NSMAF: variants seen among roughly 807,000 people sequenced by gnomAD.
The protein encoded by NSMAF is neutral sphingomyelinase activation associated factor.
A neutral mutation model predicts 134.9 loss-of-function variants in NSMAF; 90 were observed. The ratio of observed to expected loss-of-function variants is 0.67; its 90% CI spans 0.56 to 0.79. NSMAF has a LOEUF of 0.79. NSMAF is among the 30% of genes least tolerant of loss of function. NSMAF has a pLI of 0.00. For missense variants in NSMAF, 1,010 were observed against 1,119.0 expected (o/e 0.90, Z 1.39); for synonymous variants, 358 against 389.6 (o/e 0.92, Z 0.96).
chr8:58,619,431 C>T (rs1355329213), intron 9 of NSMAF, among the ~76,000 whole-genome samples: 1 of 152,074 alleles, frequency 6.6e-6, no homozygotes. Context: ...CCTATTTAAC[C>T]AATACTTTCT....
chr8:58,629,396 C>T (rs563096078), intron 6 of NSMAF, among the ~76,000 whole-genome samples: 44 of 142,138 alleles, frequency 3.1e-4, no homozygotes, highest in Non-Finnish European at 4.7e-4. Flanking sequence ...TATATTTTCT[C>T]TTTGTTAATA....
intron 19 of NSMAF, among the ~76,000 whole-genome samples, chr8:58,598,410 C>T (rs1295499791): frequency 6.7e-6 from 1 of 149,512 alleles, no homozygotes; most frequent in Admixed American, 6.6e-5. Context: ...TTGCTTGAAC[C>T]CAGGAGCCAG....
chr8:58,646,338 G>A (rs1167336513), intron 1 of NSMAF, among the ~76,000 whole-genome samples: 2 of 152,164 alleles, frequency 1.3e-5, no homozygotes, highest in Non-Finnish European at 2.9e-5. Flanking sequence ...AGAGAGGGAA[G>A]AATAGAGTAA....
At chr8:58,649,524 C>T (rs879918985) in intron 1 of NSMAF, among the ~76,000 whole-genome samples, 2 of 152,128 alleles carry the variant, frequency 1.3e-5, no homozygotes, top group Admixed American at 1.3e-4. Flanking sequence ...TGTTTGTCCC[C>T]TCCGAATCTC....
rs1320259958 is a variant in NSMAF at position 58,623,372 on chromosome 8, C to G, written c.504+5G>C. On this transcript the variant is annotated splice_donor_5th_base_variant and intron_variant, in intron 8 of 30. Coordinates refer to ENST00000038176, the MANE Select transcript of NSMAF (RefSeq NM_003580.4). ...TCAAAGACAGACATTGTTAAGAATA[C>G]TTACCATGGCGGTTTGGTCACCCAA... is the stretch of plus-strand genomic sequence containing the variant. The G allele has an allele frequency of 1.2e-6, 2 of 1,613,792 alleles. No individual in the cohort carries two copies. Among genetic ancestry groups the G allele is most frequent in the South Asian group, 1.1e-5 (1 of 91,042 alleles).
At chr8:58,629,137 T>G (rs1401264553) in intron 6 of NSMAF, among the ~76,000 whole-genome samples, 1 of 152,158 alleles carries the variant, frequency 6.6e-6, no homozygotes, top group African/African-American at 2.4e-5. Flanking sequence ...TCTTTCTCTC[T>G]CTCTTCTCTT....
At chr8:58,637,038 A>C (rs80127104) in intron 2 of NSMAF, among the ~76,000 whole-genome samples, 3 of 139,872 alleles carry the variant, frequency 2.1e-5, no homozygotes, top group Non-Finnish European at 4.7e-5. Flanking sequence ...ACACACACAC[A>C]CACCCACACA....
chr8:58,659,050 G>A (rs1807789339), intron 1 of NSMAF: 2 of 687,164 alleles, frequency 2.9e-6, no homozygotes, highest in Non-Finnish European at 4.5e-6. Flanking sequence ...GGAGTCGGCA[G>A]GAAAAAGGCG....
In NSMAF at chr8:58,647,992, G is replaced by A. The variant is rs544466044; in HGVS notation, c.60-4919C>T. On this transcript the variant is annotated intron_variant, in intron 1 of 30. Coordinates refer to ENST00000038176, the MANE Select transcript of NSMAF (RefSeq NM_003580.4). The stretch of plus-strand genomic sequence containing the variant: ...CTCAGAAGAGACCAGGAAGACAAGG[G>A]AAAGTTTGAAACTTCTCAGAGACTG... Among the ~76,000 whole-genome samples, 12 of 152,324 alleles carry A rather than the reference G, an allele frequency of 7.9e-5. No homozygotes were observed. The South Asian group carries it at 2.1e-3, about 26-fold the overall frequency.
At chr8:58,610,170 AATT>A (rs1337282933) in intron 9 of NSMAF, among the ~76,000 whole-genome samples, 1 of 152,164 alleles carries the variant, frequency 6.6e-6, no homozygotes, top group Non-Finnish European at 1.5e-5. Flanking sequence ...TAATTACTTG[AATT>A]ATAATACATT....
At chr8:58,633,220 C>T (rs1389844800) in intron 5 of NSMAF, among the ~76,000 whole-genome samples, 2 of 152,246 alleles carry the variant, frequency 1.3e-5, no homozygotes, top group Non-Finnish European at 2.9e-5. Context: ...CTATTCCAGC[C>T]TCCCTTGAGT....
chr8:58,644,126 G>C (rs1282477075), intron 1 of NSMAF, among the ~76,000 whole-genome samples: 1 of 152,206 alleles, frequency 6.6e-6, no homozygotes, highest in African/African-American at 2.4e-5. Flanking sequence ...TTCATGAAAA[G>C]TGTGGGACTT....
intron 1 of NSMAF, among the ~76,000 whole-genome samples, chr8:58,651,912 A>C (rs557078170): frequency 1.3e-5 from 2 of 152,328 alleles, no homozygotes; most frequent in Non-Finnish European, 2.9e-5. Flanking sequence ...CAACACTTTG[A>C]CTAACAAGAT....
In NSMAF at chr8:58,594,476, C is replaced by G. The variant is rs556155318; in HGVS notation, c.1893-186G>C. 18 of 590,094 alleles carry G rather than the reference C, an allele frequency of 3.1e-5. No individual in the cohort carries two copies. In the East Asian group the frequency reaches 4.2e-4, roughly 14 times the overall value. 36.6% of individuals were successfully genotyped at this position (590,094 alleles called of 1,614,324 possible). A position where few individuals can be genotyped will look rare whatever the true frequency, so the allele number is the denominator to read the frequency against. On this transcript the variant is annotated intron_variant, in intron 22 of 30. Coordinates refer to ENST00000038176, the MANE Select transcript of NSMAF (RefSeq NM_003580.4). ...TGCTTGGCACCTTCTAACGTTCTGG[C>G]AACGCCTGTGGCTAGAAAACATCCC...
chr8:58,653,796 C>T (rs1364737533), intron 1 of NSMAF, among the ~76,000 whole-genome samples: 1 of 152,062 alleles, frequency 6.6e-6, no homozygotes, highest in African/African-American at 2.4e-5. Flanking sequence ...ATGACCATTC[C>T]TATTTTATAT....
intron 13 of NSMAF, among the ~76,000 whole-genome samples, chr8:58,602,474 G>A (rs1391858506): frequency 1.3e-5 from 2 of 151,948 alleles, no homozygotes; most frequent in Admixed American, 6.6e-5. Context: ...CTTCTACCAA[G>A]ATTTACTTTC....
At chr8:58,608,289 T>C (rs1213081725) in intron 10 of NSMAF, among the ~76,000 whole-genome samples, 1 of 152,210 alleles carries the variant, frequency 6.6e-6, no homozygotes, top group African/African-American at 2.4e-5. Flanking sequence ...AAAATTACAG[T>C]GTATTAAGGC....
intron 1 of NSMAF, among the ~76,000 whole-genome samples, chr8:58,655,763 C>T (rs1437195989): frequency 2.0e-5 from 3 of 151,624 alleles, no homozygotes; most frequent in Non-Finnish European, 2.9e-5. Context: ...AAAAATTAGC[C>T]GGGCGCTGTG....
At chr8:58,609,548 G>A in intron 10 of NSMAF, 56 bp downstream of exon 10, 1 of 1,598,846 alleles carries the variant, frequency 6.3e-7, no homozygotes, top group Non-Finnish European at 8.6e-7. Context: ...TGAGGCCATG[G>A]TCTGGAAACA....
Sources: allele counts gnomAD v4.1 joint callset (sites outside exome capture counted in the v4.1 genomes callset), GRCh38; gene constraint gnomAD v4.1.1; transcripts MANE v1.5; gene names NCBI Gene and HGNC (gene_info 2026-07-23, HGNC 2026-07-21).